DLG1: variants seen among roughly 807,000 people sequenced by gnomAD.
DLG1 encodes disks large homolog 1.
Under a neutral mutation model 123.4 loss-of-function variants are expected in DLG1, and 42 were observed. That is an observed-to-expected ratio of 0.34 (90% CI 0.27 to 0.44). The LOEUF (loss-of-function observed/expected upper bound fraction) is 0.44, where lower values mean the gene tolerates loss of function less well. DLG1 is among the 20% of genes least tolerant of loss of function. DLG1 has a pLI of 1.00. For synonymous variants in DLG1, 317 were observed against 356.2 expected (o/e 0.89, Z 1.24); for missense variants, 942 against 1,082.6 (o/e 0.87, Z 1.82).
At chr3:197,045,862 A>G (rs1722668232) in intron 24 of DLG1, among the ~76,000 whole-genome samples, 1 of 152,226 alleles carries the variant, frequency 6.6e-6, no homozygotes, top group Admixed American at 6.5e-5. Context: ...ATAGGTGTAG[A>G]TTTCCATGGT....
chr3:197,085,339 T>C, intron 16 of DLG1: 2 of 462,300 alleles, frequency 4.3e-6, no homozygotes, highest in Non-Finnish European at 7.9e-6. Flanking sequence ...CACGGAAACT[T>C]TGTATCTCAT....
intron 4 of DLG1, among the ~76,000 whole-genome samples, chr3:197,215,021 T>C (rs998502119): frequency 3.3e-5 from 5 of 152,226 alleles, no homozygotes; most frequent in Admixed American, 6.5e-5. Context: ...AAGTAACTTT[T>C]TGCCAGCAAT....
intron 15 of DLG1, among the ~76,000 whole-genome samples, chr3:197,090,137 A>G (rs1381017224): frequency 6.6e-6 from 1 of 152,288 alleles, no homozygotes; most frequent in Non-Finnish European, 1.5e-5. Flanking sequence ...CAGGTCCCCC[A>G]ACAGAATCAG....
At chr3:197,085,434 T>C (rs1158080472) in intron 16 of DLG1, 146 bp downstream of exon 16, 2 of 760,928 alleles carry the variant, frequency 2.6e-6, no homozygotes, top group Middle Eastern at 2.5e-4. Flanking sequence ...AATGTGATCA[T>C]ACGATTTTTG....
intron 5 of DLG1, among the ~76,000 whole-genome samples, chr3:197,165,457 G>A (rs1561176719): frequency 6.6e-6 from 1 of 152,202 alleles, no homozygotes; most frequent in Non-Finnish European, 1.5e-5. Flanking sequence ...GCACAACACT[G>A]TGAATGTACT....
chr3:197,106,072 A>G (rs12488140), intron 13 of DLG1, among the ~76,000 whole-genome samples: 18,728 of 152,230 alleles, frequency 0.12, 1,416 homozygotes, highest in South Asian at 0.33. Flanking sequence ...GATGTTTTAT[A>G]TTATCTAAAA....
chr3:197,255,522 A>G (rs1349920884), intron 4 of DLG1, among the ~76,000 whole-genome samples: 1 of 152,196 alleles, frequency 6.6e-6, no homozygotes, highest in East Asian at 1.9e-4. Context: ...TCCCAGGTAT[A>G]TATTTGAGAG....
chr3:197,047,001 C>T (rs182221228), intron 24 of DLG1, among the ~76,000 whole-genome samples: 66 of 152,172 alleles, frequency 4.3e-4, no homozygotes, highest in East Asian at 2.5e-3. Context: ...GACTTGGGAA[C>T]GATTTCAGAT....
At chr3:197,241,756 CTAAGA>C (rs1748998098) in intron 4 of DLG1, among the ~76,000 whole-genome samples, 1 of 152,102 alleles carries the variant, frequency 6.6e-6, no homozygotes, top group Non-Finnish European at 1.5e-5. Flanking sequence ...CTTTTGTGAT[CTAAGA>C]TAAGTTGTCA....
chr3:197,071,163 G>T (rs1448675449), intron 18 of DLG1, among the ~76,000 whole-genome samples: 2 of 151,978 alleles, frequency 1.3e-5, no homozygotes, highest in Non-Finnish European at 2.9e-5. Flanking sequence ...ATTAGTATTG[G>T]TATTACCCTC....
At chr3:197,241,900 CAAGA>C (rs1749083165) in intron 4 of DLG1, among the ~76,000 whole-genome samples, 2 of 151,908 alleles carry the variant, frequency 1.3e-5, no homozygotes, top group East Asian at 1.9e-4. Context: ...CTCTTAACCA[CAAGA>C]AAGGAAGAGT....
chr3:197,296,969 G>T, intron 2 of DLG1: 1 of 548,520 alleles, frequency 1.8e-6, no homozygotes, highest in East Asian at 3.8e-5. Flanking sequence ...GGGGCTAACT[G>T]CCTCTCTTAA....
intron 4 of DLG1, among the ~76,000 whole-genome samples, chr3:197,258,204 C>G (rs1262447824): frequency 6.6e-6 from 1 of 151,888 alleles, no homozygotes; most frequent in African/African-American, 2.4e-5. Context: ...AAAGGCAAAA[C>G]AAAACAAACA....
intron 4 of DLG1, among the ~76,000 whole-genome samples, chr3:197,197,451 T>G (rs1723115856): frequency 6.6e-6 from 1 of 152,238 alleles, no homozygotes; most frequent in Admixed American, 6.5e-5. Context: ...CTTCACCTAC[T>G]ATTTGGTTAT....
intron 4 of DLG1, among the ~76,000 whole-genome samples, chr3:197,266,480 T>C (rs1247701050): frequency 6.6e-6 from 1 of 151,112 alleles, no homozygotes; most frequent in Non-Finnish European, 1.5e-5. Context: ...AGCCTGGTGG[T>C]ATACATGTGT....
At chr3:197,204,135 G>A (rs1378041943) in intron 4 of DLG1, among the ~76,000 whole-genome samples, 1 of 152,198 alleles carries the variant, frequency 6.6e-6, no homozygotes, top group Admixed American at 6.5e-5. Context: ...CTGCTCCCAT[G>A]TATAGGAAAA....
chr3:197,116,908 T>C (rs1359693210), intron 12 of DLG1, among the ~76,000 whole-genome samples: 1 of 152,204 alleles, frequency 6.6e-6, no homozygotes, highest in African/African-American at 2.4e-5. Context: ...TGATGTTTTA[T>C]TTCCTAAATT....
intron 4 of DLG1, among the ~76,000 whole-genome samples, chr3:197,202,340 G>A (rs746566687): frequency 1.3e-5 from 2 of 152,074 alleles, no homozygotes; most frequent in South Asian, 2.1e-4. Context: ...CACAAGAAAC[G>A]ACGCTCATTT....
chr3:197,162,440 T>C (rs140039405), intron 5 of DLG1, among the ~76,000 whole-genome samples: 141 of 152,202 alleles, frequency 9.3e-4, no homozygotes, highest in African/African-American at 3.3e-3. Context: ...CTTATATATG[T>C]AAGAAAAACA....
Sources: gnomAD v4.1 joint callset for allele counts (sites outside exome capture counted in the v4.1 genomes callset) on GRCh38, gnomAD v4.1.1 for gene constraint, MANE v1.5 for transcripts, NCBI Gene and HGNC (gene_info 2026-07-23, HGNC 2026-07-21) for gene names.